Variants in FAT1 observed in about 807,000 individuals in gnomAD.
FAT1 encodes the protein protocadherin Fat 1.
Under a neutral mutation model 329.8 loss-of-function variants are expected in FAT1, and 171 were observed. The ratio of observed to expected loss-of-function variants is 0.52; its 90% CI spans 0.46 to 0.59. FAT1 has a LOEUF of 0.59. Among genes scored for constraint, FAT1 ranks in the 20% least tolerant of loss-of-function variants. FAT1 has a pLI of 0.00. For synonymous variants in FAT1, 2,233 were observed against 2,228.6 expected (o/e 1.00, Z -0.06); for missense variants, 5,672 against 5,774.4 (o/e 0.98, Z 0.57).
intron 1 of FAT1, among the ~76,000 whole-genome samples, chr4:186,715,107 C>A (rs73015674): frequency 6.6e-6 from 1 of 151,608 alleles, no homozygotes; most frequent in Non-Finnish European, 1.5e-5. Context: ...CTTGCTGATG[C>A]GCCACGCTGC....
At chr4:186,658,101 C>T (rs1432506801) in intron 3 of FAT1, among the ~76,000 whole-genome samples, 9 of 152,158 alleles carry the variant, frequency 5.9e-5, no homozygotes. Flanking sequence ...GCACATTTAC[C>T]CTGTAACTGA....
At chr4:186,641,912 CAGA>C (rs1741113785) in intron 3 of FAT1, among the ~76,000 whole-genome samples, 1 of 151,392 alleles carries the variant, frequency 6.6e-6, no homozygotes, top group African/African-American at 2.4e-5. Context: ...GAGGCTGAGG[CAGA>C]AGAAAAGCTT....
intron 7 of FAT1, among the ~76,000 whole-genome samples, chr4:186,630,774 G>C (rs1740546009): frequency 6.6e-6 from 1 of 152,176 alleles, no homozygotes; most frequent in African/African-American, 2.4e-5. Context: ...TTTGCCCATG[G>C]AAAGGAGTAC....
Position 186,620,876 on chromosome 4 carries a change from T to C in FAT1, c.5710A>G (p.Thr1904Ala), listed in dbSNP as rs748656564. ...GAGAATGCACTTGAATCAGCATCTG[T>C]AGCATTTACTGTGATGACTTTTACT... ...KGVKVITVNA[T>A]DADSSAFSQL... The change falls in exon 10 of 27, where the codon ACA (threonine) becomes GCA (alanine). Residue 1904 changes from threonine to alanine, a missense_variant. Coordinates refer to ENST00000441802, the MANE Select transcript of FAT1 (RefSeq NM_005245.4). 5.0e-6 allele frequency: 8 copies of C among 1,614,040 alleles called. No individual in the cohort carries two copies. Among genetic ancestry groups the C allele is most frequent in the Non-Finnish European group, 6.8e-6 (8 of 1,179,896 alleles).
At chr4:186,631,654 C>T (rs1740599743) in intron 7 of FAT1, among the ~76,000 whole-genome samples, 2 of 151,014 alleles carry the variant, frequency 1.3e-5, no homozygotes, top group Non-Finnish European at 2.9e-5. Context: ...CCTGCGGTAT[C>T]CTAGTCTCTC....
At chr4:186,704,118 TG>T (rs1334852392) in intron 2 of FAT1, among the ~76,000 whole-genome samples, 1 of 152,226 alleles carries the variant, frequency 6.6e-6, no homozygotes, top group East Asian at 1.9e-4. Context: ...TTACTTTCTC[TG>T]TAAAGCAAGG....
chr4:186,684,110 A>T (rs1298742245), intron 2 of FAT1, among the ~76,000 whole-genome samples: 1 of 152,230 alleles, frequency 6.6e-6, no homozygotes, highest in Non-Finnish European at 1.5e-5. Context: ...GAATAAAATA[A>T]GCCAGGATTT....
At position 186,588,661 on chromosome 4, in the gene FAT1, GCTCTCATAGTCA is replaced by G; in HGVS notation, c.13686_13697del (p.Asp4563_Ser4566del). Reference sequence around the variant, plus strand: ...CCTCTTCGAAGTGGCCGTCGTCCCCGCTCTCATAGTCACTCATCATGACCTCGGACTCCACTT... The same window carrying G: ...CCTCTTCGAAGTGGCCGTCGTCCCCGCTCATCATGACCTCGGACTCCACTT... On this transcript the variant is annotated inframe_deletion, in exon 27 of 27. Coordinates refer to ENST00000441802, the MANE Select transcript of FAT1 (RefSeq NM_005245.4). 6.2e-7 allele frequency: 1 copy of G among 1,613,916 alleles called. No homozygotes were observed. The highest frequency in any genetic ancestry group is 8.5e-7 in the Non-Finnish European group (1 of 1,179,882).
At chr4:186,666,185 TA>T (rs34266165) in intron 2 of FAT1, among the ~76,000 whole-genome samples, 48,261 of 149,860 alleles carry the variant, frequency 0.32, 8,940 homozygotes, top group South Asian at 0.5. Flanking sequence ...TAAAGGATAG[TA>T]AAAAAAAAAA....
At chr4:186,601,712 A>G (rs1738828153) in intron 20 of FAT1, 2 of 249,840 alleles carry the variant, frequency 8.0e-6, no homozygotes, top group Non-Finnish European at 1.5e-5. Flanking sequence ...TTAGAAGAAA[A>G]TTTCAGAAAA....
chr4:186,724,983 G>A (rs1446130499), upstream of FAT1, among the ~76,000 whole-genome samples: 5 of 152,092 alleles, frequency 3.3e-5, no homozygotes, highest in African/African-American at 7.2e-5. This position sits in a 1 kb window ranked among gnomAD's most constrained non-coding sequence, Gnocchi z 5.3. Context: ...AGAGGTGACC[G>A]GAAAAAATAA....
In FAT1 at chr4:186,709,293, C is replaced by G. The variant is rs1449317047; in HGVS notation, c.535G>C (p.Gly179Arg). ...CTGTAGTAAAATTCCCCGTTGGTTC[C>G]TATGTCTGCATCCGTGGCGCTGACT... Reference protein sequence around the residue: ...ARVSATDADIGTNGEFYYSFK... With the variant: ...ARVSATDADIRTNGEFYYSFK... Residue 179 changes from glycine (G) to arginine (R), a missense_variant, in exon 2 of 27, where the codon GGA becomes CGA. Gly to Arg is a moderately radical substitution (Grantham distance 125, BLOSUM62 -2). This residue lies in a region of FAT1 where 3,966 missense variants were observed against 3,915.2 expected (regional missense o/e 1.01). Coordinates refer to ENST00000441802, the MANE Select transcript of FAT1 (RefSeq NM_005245.4). 6.2e-7 allele frequency: 1 copy of G among 1,613,974 alleles called. No individual in the cohort carries two copies.
At position 186,611,686 on chromosome 4, in the gene FAT1, T is replaced by C. The variant is rs1403270374; in HGVS notation, c.9553A>G (p.Lys3185Glu). 3.1e-6 allele frequency: 5 copies of C among 1,607,998 alleles called. No homozygotes were observed. The African/African-American group carries it at 4.0e-5, about 13-fold the overall frequency. ...NELSGIIQLE[K>E]PLDRELQAVY... is the part of the protein sequence containing the mutation. The stretch of plus-strand genomic sequence containing the variant: ...GCCTGGAGTTCTCTGTCCAAAGGTT[T>C]TTCTAACTGAATAATTCCAGATAAT... Residue 3185 changes from lysine to glutamate, a missense_variant, in exon 14 of 27, where the codon AAA (lysine) becomes GAA (glutamate). This residue lies in a region of FAT1 where 1,706 missense variants were observed against 1,859.1 expected (regional missense o/e 0.92). Transcript: ENST00000441802.
At chr4:186,614,428 T>A in intron 11 of FAT1, 84 bp from the exon 12 acceptor site, 1 of 941,676 alleles carries the variant, frequency 1.1e-6, no homozygotes, top group Non-Finnish European at 1.5e-6. Context: ...AAGAAATCAT[T>A]CATCTTTGAC....
intron 9 of FAT1, among the ~76,000 whole-genome samples, chr4:186,627,682 T>C (rs1185628278): frequency 1.3e-5 from 2 of 152,186 alleles, no homozygotes; most frequent in Non-Finnish European, 2.9e-5. Flanking sequence ...ACGACACCTC[T>C]TTCTGAGGTT....
rs781014362 is a variant in FAT1 at position 186,620,606 on chromosome 4, C to T, written c.5980G>A (p.Glu1994Lys). 5 of 1,613,968 alleles carry T rather than the reference C, an allele frequency of 3.1e-6. No homozygotes were observed. The highest frequency in any genetic ancestry group is 2.7e-5 in the African/African-American group (2 of 75,040). The change falls in exon 10 of 27, where the codon GAG becomes AAG. Residue 1994 changes from glutamate (E) to lysine (K), a missense_variant. Transcript: ENST00000441802. ...GTAATGACAGCTAATGTTTCGGCCT[C>T]GGTGGAATTCTCTTTCACTACCGCA... ...YSAVVKENST[E>K]AETLAVITAI...
intron 3 of FAT1, among the ~76,000 whole-genome samples, chr4:186,644,819 G>A (rs150177548): frequency 1.3e-5 from 2 of 152,228 alleles, no homozygotes; most frequent in African/African-American, 2.4e-5. Context: ...AGTAGGTGAA[G>A]ACAGTCATGT....
Position 186,588,347 on chromosome 4 carries a change from A to AT in FAT1, c.*244dup, listed in dbSNP as rs1738053606. 2.0e-6 allele frequency: 1 copy of AT among 488,616 alleles called. No individual in the cohort carries two copies. Among genetic ancestry groups the AT allele is most frequent in the Admixed American group, 3.8e-5 (1 of 26,612 alleles). 30.3% of individuals were successfully genotyped at this position (488,616 alleles called of 1,614,324 possible). ...CACAGGACTGATTTTTCGTTTGATT[A>AT]TTTTAACACAGACAGATGTAAATCC... On this transcript the variant is annotated 3_prime_UTR_variant, in exon 27 of 27. Transcript: ENST00000441802.
At chr4:186,607,496 T>C (rs78478238) in intron 16 of FAT1, among the ~76,000 whole-genome samples, 6,551 of 151,306 alleles carry the variant, frequency 0.043, 334 homozygotes, top group East Asian at 0.19. Flanking sequence ...GGTAACCACA[T>C]AGATGGGTAG....
Sources: gnomAD v4.1 joint callset for allele counts (sites outside exome capture counted in the v4.1 genomes callset) on GRCh38, gnomAD v4.1.1 for gene constraint, gnomAD v4.1.1 regional missense constraint, Gnocchi (gnomAD v3.1) non-coding constraint, MANE v1.5 for transcripts, NCBI Gene and HGNC (gene_info 2026-07-23, HGNC 2026-07-21) for gene names.